Variants in ZBTB49 observed in about 807,000 individuals in gnomAD.
The protein encoded by ZBTB49 is zinc finger and BTB domain containing 49.
ZBTB49 carries 43 observed loss-of-function variants against 57.5 expected under a neutral mutation model. That is an observed-to-expected ratio of 0.75 (90% CI 0.59 to 0.97). The LOEUF is 0.97. ZBTB49 is among the 50% of genes least tolerant of loss of function. The pLI is 0.00. For synonymous variants in ZBTB49, 369 were observed against 362.1 expected, an observed-to-expected ratio of 1.02 and a Z score of -0.22; for missense variants, 938 against 947.7, an observed-to-expected ratio of 0.99 and a Z score of 0.13.
At chr4:4,310,292 C>G (rs1488088204) in intron 4 of ZBTB49, among the ~76,000 whole-genome samples, 2 of 152,168 alleles carry the variant, frequency 1.3e-5, no homozygotes, top group East Asian at 1.9e-4. Flanking sequence ...TTTGGAGTCA[C>G]TAGGCAAACC....
In ZBTB49 at chr4:4,321,619, T is replaced by C; in HGVS notation, c.*303T>C. 2.3e-6 allele frequency: 1 copy of C among 430,132 alleles called. No homozygotes were observed. The highest frequency in any genetic ancestry group is 4.2e-6 in the Non-Finnish European group (1 of 239,290). 26.6% of individuals were successfully genotyped at this position (430,132 alleles called of 1,614,324 possible). On this transcript the variant is annotated 3_prime_UTR_variant, in exon 8 of 8. Coordinates refer to ENST00000337872, the MANE Select transcript of ZBTB49 (RefSeq NM_145291.4). Reference sequence around the variant, plus strand: ...CGCGTGTGCATCGTGTCAACTACTGTACATGTTGGTCATGTGAAAGGAATT... The same window carrying C: ...CGCGTGTGCATCGTGTCAACTACTGCACATGTTGGTCATGTGAAAGGAATT...
intron 5 of ZBTB49, among the ~76,000 whole-genome samples, chr4:4,314,533 G>T (rs867586343): frequency 6.6e-6 from 1 of 152,112 alleles, no homozygotes; most frequent in Non-Finnish European, 1.5e-5. Context: ...CACCATACCC[G>T]GTTAATTTTT....
At chr4:4,315,297 C>G (rs1274797658) in intron 5 of ZBTB49, among the ~76,000 whole-genome samples, 2 of 152,166 alleles carry the variant, frequency 1.3e-5, no homozygotes, top group East Asian at 1.9e-4. Flanking sequence ...TGGCTCTGAA[C>G]TGGGGAGACT....
intron 7 of ZBTB49, among the ~76,000 whole-genome samples, chr4:4,317,607 C>G (rs748107): frequency 0.056 from 8,566 of 152,098 alleles, 670 homozygotes; most frequent in East Asian, 0.32. Flanking sequence ...CGACTTCTTG[C>G]ACTAAGCAAA....
At chr4:4,311,344 G>T (rs1720973562) in intron 4 of ZBTB49, among the ~76,000 whole-genome samples, 1 of 152,190 alleles carries the variant, frequency 6.6e-6, no homozygotes, top group Admixed American at 6.6e-5. Flanking sequence ...AGCAGATGGT[G>T]CTATTCCGAT....
chr4:4,305,091 C>A (rs773657089), intron 3 of ZBTB49, among the ~76,000 whole-genome samples: 4 of 151,790 alleles, frequency 2.6e-5, no homozygotes, highest in Non-Finnish European at 4.4e-5. Context: ...TTATCTGTCA[C>A]CCCCAATAAT....
At position 4,302,663 on chromosome 4, in the gene ZBTB49, TC is replaced by T; in HGVS notation, c.829del (p.Leu277TrpfsTer5). 2 of 1,610,470 alleles carry T rather than the reference TC, an allele frequency of 1.2e-6. No individual in the cohort carries two copies. The highest frequency in any genetic ancestry group is 1.7e-6 in the Non-Finnish European group (2 of 1,178,004). ...LESPEHLPSN[F>X]LAQPVNDSAP... The stretch of plus-strand genomic sequence containing the variant: ...TCTCCCGAGCACTTACCTTCCAACT[TC>T]CTGGCCCAGCCTGTGAATGACTCTG... On this transcript the variant is annotated frameshift_variant, in exon 3 of 8. Transcript: ENST00000337872. LOFTEE classifies it high-confidence loss of function.
chr4:4,309,585 G>A (rs1720896325), intron 4 of ZBTB49, among the ~76,000 whole-genome samples: 1 of 152,240 alleles, frequency 6.6e-6, no homozygotes, highest in African/African-American at 2.4e-5. Flanking sequence ...AGCTGGTACA[G>A]AGAGACGGGT....
At chr4:4,300,280 G>A (rs1205854724) in intron 2 of ZBTB49, among the ~76,000 whole-genome samples, 183 bp downstream of exon 2, 1 of 152,068 alleles carries the variant, frequency 6.6e-6, no homozygotes, top group Non-Finnish European at 1.5e-5. Flanking sequence ...TTGCTTTTGT[G>A]TTTAGAGTAA....
At chr4:4,305,164 T>TTAAC (rs1320977395) in intron 3 of ZBTB49, among the ~76,000 whole-genome samples, 1 of 150,704 alleles carries the variant, frequency 6.6e-6, no homozygotes, top group African/African-American at 2.4e-5. Context: ...TAATTTATTA[T>TTAAC]TAATATAAAT....
At chr4:4,299,399 A>C (rs1480029372) in intron 1 of ZBTB49, among the ~76,000 whole-genome samples, 1 of 152,160 alleles carries the variant, frequency 6.6e-6, no homozygotes, top group Non-Finnish European at 1.5e-5. Context: ...ATAGGCTCCT[A>C]ATTTCCCCGA....
chr4:4,296,926 T>C (rs1720230097), intron 1 of ZBTB49, among the ~76,000 whole-genome samples: 1 of 151,954 alleles, frequency 6.6e-6, no homozygotes, highest in Admixed American at 6.6e-5. Context: ...AGAGGGAAGG[T>C]TCATCTTGGG....
At chr4:4,309,402 G>A (rs1028617543) in intron 4 of ZBTB49, among the ~76,000 whole-genome samples, 2 of 152,200 alleles carry the variant, frequency 1.3e-5, no homozygotes, top group Admixed American at 1.3e-4. Context: ...TTTCCTCTGT[G>A]GCGTAGAACA....
In ZBTB49 at chr4:4,320,731, CT is replaced by C. The variant is rs1721375895; in HGVS notation, c.1716del (p.Phe572LeufsTer52). On this transcript the variant is annotated frameshift_variant, in exon 8 of 8. Transcript: ENST00000337872. LOFTEE classifies it low-confidence loss of function (END_TRUNC). ...PYTCEICNKC[F>X]TRSAVLRRHK... ...ACACATGTGAGATCTGTAACAAGTG[CT>C]TTACCCGCTCTGCGGTGCTCCGGCG... The C allele has an allele frequency of 1.9e-6, 3 of 1,614,104 alleles. No individual in the cohort carries two copies. The highest frequency in any genetic ancestry group is 2.5e-6 in the Non-Finnish European group (3 of 1,180,050).
At position 4,315,439 on chromosome 4, in the gene ZBTB49, C is replaced by A. The variant is rs557812553; in HGVS notation, c.1377-197C>A. ...AAAAAAATGCTTTAAAAACAAGACA[C>A]TTGCATCATGTTCTGCTTTTCTTAA... is the stretch of plus-strand genomic sequence containing the variant. On this transcript the variant is annotated intron_variant, in intron 5 of 7. Coordinates refer to ENST00000337872, the MANE Select transcript of ZBTB49 (RefSeq NM_145291.4). Among the ~76,000 whole-genome samples, 150 of 152,210 alleles carry A rather than the reference C, an allele frequency of 9.9e-4. 2 individuals carry two copies. In the South Asian group the frequency reaches 0.031, roughly 31 times the overall value.
intron 5 of ZBTB49, among the ~76,000 whole-genome samples, chr4:4,313,398 C>A (rs906875598): frequency 6.6e-6 from 1 of 152,300 alleles, no homozygotes; most frequent in South Asian, 2.1e-4. Flanking sequence ...TATTTTCATT[C>A]ATTCTAAAAA....
In ZBTB49 at chr4:4,321,213, C is replaced by G. The variant is rs200276354; in HGVS notation, c.2195C>G (p.Ser732Cys). 91 of 1,614,112 alleles carry G rather than the reference C, an allele frequency of 5.6e-5. No individual in the cohort carries two copies. Among genetic ancestry groups the G allele is most frequent in the Non-Finnish European group, 6.5e-5 (77 of 1,180,050 alleles). The change falls in exon 8 of 8, where the codon TCT (serine) becomes TGT (cysteine). Residue 732 changes from serine (S) to cysteine (C), a missense_variant. This residue lies in a region of ZBTB49 where 835 missense variants were observed against 819.1 expected (regional missense o/e 1.02). Coordinates refer to ENST00000337872, the MANE Select transcript of ZBTB49 (RefSeq NM_145291.4). ...HGGDPLGSRASSTTYRNSEGQ... is the reference protein window; with the variant it reads ...HGGDPLGSRACSTTYRNSEGQ... ...GGTGACCCCCTGGGCAGTCGAGCAT[C>G]TTCCACCACTTATAGGAACTCAGAG...
At position 4,321,311 on chromosome 4, in the gene ZBTB49, C is replaced by G. The variant is rs748477094; in HGVS notation, c.2293C>G (p.Gln765Glu). Residue 765 changes from glutamine (Q) to glutamate (E), a missense_variant, in exon 8 of 8, where the codon CAG (glutamine) becomes GAG (glutamate). By Grantham distance (29) the Gln-to-Glu change is conservative. Coordinates refer to ENST00000337872, the MANE Select transcript of ZBTB49 (RefSeq NM_145291.4). Reference sequence around the variant, plus strand: ...GCTGCAGAATGAAAACGAGTTAGACCAGTGATGTACCGCGCTTCTCCACGG... The same window carrying G: ...GCTGCAGAATGAAAACGAGTTAGACGAGTGATGTACCGCGCTTCTCCACGG... ...KTLQNENELDQ is the reference protein window; with the variant it reads ...KTLQNENELDE 3.1e-6 allele frequency: 5 copies of G among 1,609,380 alleles called. No homozygotes were observed. Among genetic ancestry groups the G allele is most frequent in the Non-Finnish European group, 4.2e-6 (5 of 1,179,982 alleles).
intron 4 of ZBTB49, among the ~76,000 whole-genome samples, chr4:4,307,420 C>T (rs1720786069): frequency 6.6e-6 from 1 of 152,204 alleles, no homozygotes; most frequent in Non-Finnish European, 1.5e-5. Context: ...CTGCCTCTGT[C>T]AGGGCGTCAC....
Sources: allele counts gnomAD v4.1 joint callset (sites outside exome capture counted in the v4.1 genomes callset), GRCh38; gene constraint gnomAD v4.1.1; regional missense constraint gnomAD v4.1.1; transcripts MANE v1.5; gene names NCBI Gene and HGNC (gene_info 2026-07-23, HGNC 2026-07-21).